ERC2: variants seen among roughly 807,000 people sequenced by gnomAD.
ERC2 encodes ELKS/RAB6-interacting/CAST family member 2.
ERC2 carries 42 observed loss-of-function variants against 114.8 expected under a neutral mutation model. The observed-to-expected ratio is 0.37, with a 90% confidence interval of 0.29 to 0.47. The LOEUF is 0.47. Among genes scored for constraint, ERC2 ranks in the 20% least tolerant of loss-of-function variants. The probability of loss-of-function intolerance (pLI) is 0.99; values close to 1 mark genes in which losing one functional copy is unlikely to be tolerated. For synonymous variants in ERC2, 454 were observed against 425.5 expected (o/e 1.07, Z -0.82); for missense variants, 939 against 1,150.7 (o/e 0.82, Z 2.66).
rs546976729 is a variant in ERC2 at position 56,125,365 on chromosome 3, T to C, written c.1473+14144A>G. Among the ~76,000 whole-genome samples the C allele has an allele frequency of 4.6e-5, 7 of 152,158 alleles. 1 individual carries two copies. The highest frequency in any genetic ancestry group is 1.4e-4 in the African/African-American group (6 of 41,506). On this transcript the variant is annotated intron_variant, in intron 6 of 17. Transcript: ENST00000288221. ...TTAGAAATCTGAACTGAGAGTAAAA[T>C]AGAAATTAGGTTCCCCAGTGACTGA... is the stretch of plus-strand genomic sequence containing the variant.
chr3:56,428,589 TG>T (rs1450559986), intron 2 of ERC2, among the ~76,000 whole-genome samples: 1 of 140,206 alleles, frequency 7.1e-6, no homozygotes, highest in Non-Finnish European at 1.6e-5. Context: ...AAGAATTATT[TG>T]CAGTTATACA....
chr3:55,663,588 G>A (rs1243376643), intron 17 of ERC2, among the ~76,000 whole-genome samples: 1 of 152,206 alleles, frequency 6.6e-6, no homozygotes, highest in Non-Finnish European at 1.5e-5. Flanking sequence ...TATCAGGGTT[G>A]AGCTGCAGGA....
chr3:55,722,528 T>C (rs890852137), intron 15 of ERC2, among the ~76,000 whole-genome samples: 2 of 152,194 alleles, frequency 1.3e-5, no homozygotes, highest in African/African-American at 4.8e-5. Flanking sequence ...GTTTTTCCCA[T>C]AGTATTTATT....
At chr3:55,745,838 C>A (rs1054227408) in intron 14 of ERC2, among the ~76,000 whole-genome samples, 5 of 152,146 alleles carry the variant, frequency 3.3e-5, no homozygotes, top group African/African-American at 7.2e-5. Context: ...CAAGGCTTAG[C>A]CCCCATAGCA....
chr3:56,355,413 G>A (rs563695888), intron 2 of ERC2, among the ~76,000 whole-genome samples: 1 of 151,354 alleles, frequency 6.6e-6, no homozygotes, highest in African/African-American at 2.4e-5. Context: ...CGACCTCCCA[G>A]GCCCAAGTGA....
rs7622078 is a variant in ERC2, at chr3:55,810,383, C to A, written c.2565-75465G>T. 7.2e-3 allele frequency among the ~76,000 whole-genome samples: 1,095 copies of A among 152,166 alleles called. 12 individuals carry two copies. Among genetic ancestry groups the A allele is most frequent in the African/African-American group, 0.025 (1,032 of 41,514 alleles). On this transcript the variant is annotated intron_variant, in intron 14 of 17. Transcript: ENST00000288221. ...CAAGTATATAACACACAGACATACA[C>A]ATCCTAAAATGAATGCACACTCTAC...
intron 11 of ERC2, among the ~76,000 whole-genome samples, chr3:55,988,013 C>T (rs1453637735): frequency 6.6e-6 from 1 of 152,166 alleles, no homozygotes; most frequent in Non-Finnish European, 1.5e-5. Flanking sequence ...AAACTGATTC[C>T]TTCCCATGGG....
chr3:55,663,554 C>T (rs1451511724), intron 17 of ERC2, among the ~76,000 whole-genome samples: 1 of 152,146 alleles, frequency 6.6e-6, no homozygotes, highest in Non-Finnish European at 1.5e-5. Context: ...TATGCCCCAG[C>T]CCCCACCTCG....
intron 17 of ERC2, among the ~76,000 whole-genome samples, chr3:55,537,062 A>G (rs2054044139): frequency 6.6e-6 from 1 of 152,206 alleles, no homozygotes; most frequent in Non-Finnish European, 1.5e-5. Flanking sequence ...GGCTTTTCCC[A>G]AGTCACAGCC....
At chr3:56,433,358 G>A (rs2061879254) in intron 2 of ERC2, among the ~76,000 whole-genome samples, 1 of 152,194 alleles carries the variant, frequency 6.6e-6, no homozygotes, top group Admixed American at 6.5e-5. Context: ...CACAGAATAG[G>A]TGGGATTTGG....
intron 2 of ERC2, among the ~76,000 whole-genome samples, chr3:56,326,391 T>A (rs925235398): frequency 6.6e-6 from 1 of 152,124 alleles, no homozygotes; most frequent in African/African-American, 2.4e-5. Context: ...AAACCCCAGC[T>A]TTTTTTTCTC....
chr3:55,576,162 T>A (rs1379194257), intron 17 of ERC2, among the ~76,000 whole-genome samples: 2 of 151,782 alleles, frequency 1.3e-5, no homozygotes, highest in Non-Finnish European at 2.9e-5. Flanking sequence ...ATAAAAAAAA[T>A]TATCCAGGCA....
chr3:56,389,299 A>G (rs2060046109), intron 2 of ERC2, among the ~76,000 whole-genome samples: 1 of 152,212 alleles, frequency 6.6e-6, no homozygotes, highest in African/African-American at 2.4e-5. Context: ...GACTTCACAG[A>G]GAAATAGTGT....
intron 15 of ERC2, among the ~76,000 whole-genome samples, chr3:55,721,970 T>A (rs563325499): frequency 9.3e-4 from 142 of 152,348 alleles, no homozygotes; most frequent in African/African-American, 3.3e-3. Context: ...AGCTGCAAGA[T>A]AATCAGTTAA....
chr3:55,735,152 G>A (rs2065548664), intron 14 of ERC2, among the ~76,000 whole-genome samples: 1 of 152,064 alleles, frequency 6.6e-6, no homozygotes. Flanking sequence ...GGCTTCACAT[G>A]TTATAAATGG....
At chr3:56,081,779 TAAAAA>T (rs2077246963) in intron 6 of ERC2, among the ~76,000 whole-genome samples, 1 of 152,050 alleles carries the variant, frequency 6.6e-6, no homozygotes, top group Non-Finnish European at 1.5e-5. Flanking sequence ...ACTGGGGTGG[TAAAAA>T]AGAAATGAGA....
intron 14 of ERC2, among the ~76,000 whole-genome samples, chr3:55,832,503 G>A (rs1246782752): frequency 6.6e-6 from 1 of 152,234 alleles, no homozygotes; most frequent in African/African-American, 2.4e-5. Context: ...AACAGGGTCT[G>A]GAGTGGACCT....
Position 55,944,673 on chromosome 3 carries a change from C to G in ERC2, c.2403+5752G>C, listed in dbSNP as rs543613883. 2.7e-4 allele frequency among the ~76,000 whole-genome samples: 41 copies of G among 152,288 alleles called. No individual in the cohort carries two copies. In the East Asian group the frequency reaches 7.9e-3, roughly 29 times the overall value. On this transcript the variant is annotated intron_variant, in intron 13 of 17. Coordinates refer to ENST00000288221, the MANE Select transcript of ERC2 (RefSeq NM_015576.3). The stretch of plus-strand genomic sequence containing the variant: ...GTTGCCCCTGACAGTCTATGAGTTA[C>G]TACAAAGAGTAATGATTTTAACTCA...
intron 1 of ERC2, among the ~76,000 whole-genome samples, chr3:56,438,846 T>C (rs990500487): frequency 6.6e-6 from 1 of 152,210 alleles, no homozygotes; most frequent in African/African-American, 2.4e-5. Context: ...TGGCCAAGGC[T>C]TTGGAGAATC....
Sources: allele counts gnomAD v4.1 joint callset (sites outside exome capture counted in the v4.1 genomes callset), GRCh38; gene constraint gnomAD v4.1.1; transcripts MANE v1.5; gene names NCBI Gene and HGNC (gene_info 2026-07-23, HGNC 2026-07-21).